The following ALK variants were observed in gnomAD, a reference collection of about 807,000 sequenced individuals.
ALK encodes the protein ALK receptor tyrosine kinase.
ALK carries 74 observed loss-of-function variants against 163.1 expected under a neutral mutation model. The observed-to-expected ratio is 0.45, with a 90% confidence interval of 0.38 to 0.55. ALK has a LOEUF of 0.55. Ranked by LOEUF, ALK falls within the 20% of genes least tolerant of loss-of-function variation. The pLI, the probability that ALK is intolerant of heterozygous loss-of-function variation, is 0.00. For synonymous variants in ALK, 960 were observed against 843.2 expected (o/e 1.14, Z -2.40); for missense variants, 2,063 against 2,105.3 (o/e 0.98, Z 0.39).
rs372359217 is a variant in ALK, at chr2:29,891,828, C to G, written c.667+28165G>C. Reference sequence around the variant, plus strand: ...AGGTGGAAGCTTAGATGCAGCAGGACTGCAAGGAAGGGCACAGTCTTCCTG... The same window carrying G: ...AGGTGGAAGCTTAGATGCAGCAGGAGTGCAAGGAAGGGCACAGTCTTCCTG... On this transcript the variant is annotated intron_variant, in intron 1 of 28. Transcript: ENST00000389048. Among the ~76,000 whole-genome samples the G allele has an allele frequency of 1.2e-4, 19 of 152,266 alleles. 1 individual carries two copies. The highest frequency in any genetic ancestry group is 4.6e-4 in the African/African-American group (19 of 41,556).
intron 4 of ALK, among the ~76,000 whole-genome samples, chr2:29,438,155 C>A (rs772459524): frequency 2.7e-5 from 4 of 148,348 alleles, no homozygotes; most frequent in South Asian, 2.1e-4. Context: ...ATACCTTAGA[C>A]TGACATTATT....
chr2:29,461,593 T>C (rs2148102864), intron 4 of ALK, among the ~76,000 whole-genome samples: 1 of 152,260 alleles, frequency 6.6e-6, no homozygotes, highest in Non-Finnish European at 1.5e-5. Context: ...CAATACATGG[T>C]TTACTAAATA....
chr2:29,683,922 C>T (rs985942757), intron 3 of ALK, among the ~76,000 whole-genome samples: 2 of 152,126 alleles, frequency 1.3e-5, no homozygotes, highest in African/African-American at 4.8e-5. Context: ...ATTTTTATAA[C>T]AAGTCAGGAA....
intron 5 of ALK, among the ~76,000 whole-genome samples, chr2:29,331,087 G>A (rs566923538): frequency 4.6e-5 from 7 of 152,160 alleles, no homozygotes; most frequent in Non-Finnish European, 1.0e-4. Flanking sequence ...GCCCAGAGTA[G>A]ATTTAGATCC....
intron 1 of ALK, among the ~76,000 whole-genome samples, chr2:29,728,991 C>T (rs1038036599): frequency 1.3e-5 from 2 of 152,174 alleles, no homozygotes; most frequent in African/African-American, 2.4e-5. Context: ...AAACTGCTAC[C>T]TAAAATGGCT....
intron 4 of ALK, among the ~76,000 whole-genome samples, chr2:29,517,664 G>A (rs1027326704): frequency 2.6e-5 from 4 of 152,162 alleles, no homozygotes; most frequent in African/African-American, 9.7e-5. Context: ...TGACTCTCCT[G>A]ATGATAAAAG....
intron 5 of ALK, among the ~76,000 whole-genome samples, chr2:29,347,086 T>C (rs1167932218): frequency 6.6e-6 from 1 of 152,214 alleles, no homozygotes; most frequent in East Asian, 1.9e-4. Flanking sequence ...GTACATGATT[T>C]CAGTTAATAC....
chr2:29,708,296 T>A (rs1283996878), intron 2 of ALK, among the ~76,000 whole-genome samples: 5 of 152,150 alleles, frequency 3.3e-5, no homozygotes, highest in Non-Finnish European at 7.4e-5. Flanking sequence ...CTGGAACTCC[T>A]GATCTCAGGT....
intron 5 of ALK, among the ~76,000 whole-genome samples, chr2:29,362,775 C>T (rs866644397): frequency 6.6e-6 from 1 of 152,232 alleles, no homozygotes; most frequent in African/African-American, 2.4e-5. Context: ...TAATTGCCTT[C>T]ATATTTATAT....
At chr2:29,467,691 C>G (rs1671245974) in intron 4 of ALK, among the ~76,000 whole-genome samples, 1 of 152,192 alleles carries the variant, frequency 6.6e-6, no homozygotes, top group Non-Finnish European at 1.5e-5. Flanking sequence ...GATTAAAGCT[C>G]TTCTCATAAT....
At chr2:29,529,150 G>A (rs1031755524) in intron 4 of ALK, among the ~76,000 whole-genome samples, 1 of 152,148 alleles carries the variant, frequency 6.6e-6, no homozygotes, top group Admixed American at 6.5e-5. Flanking sequence ...GTGCACGACA[G>A]CCGGCACCAC....
At chr2:29,665,745 G>A (rs1209210848) in intron 3 of ALK, among the ~76,000 whole-genome samples, 2 of 152,080 alleles carry the variant, frequency 1.3e-5, no homozygotes, top group African/African-American at 4.8e-5. Context: ...GATATTGTTT[G>A]CTTCAACAGG....
At chr2:29,634,573 C>T (rs1289899247) in intron 3 of ALK, among the ~76,000 whole-genome samples, 3 of 152,110 alleles carry the variant, frequency 2.0e-5, no homozygotes, top group East Asian at 3.9e-4. Context: ...ATAAATTCAA[C>T]ACTCATTCAT....
At chr2:29,198,605 T>G (rs188819022) in intron 26 of ALK, among the ~76,000 whole-genome samples, 228 of 152,364 alleles carry the variant, frequency 1.5e-3, no homozygotes, top group Admixed American at 3.5e-3. Flanking sequence ...TGGTGCATAT[T>G]ATTTGGTTTC....
chr2:29,478,173 C>A (rs1671573355), intron 4 of ALK, among the ~76,000 whole-genome samples: 1 of 152,204 alleles, frequency 6.6e-6, no homozygotes, highest in Non-Finnish European at 1.5e-5. Context: ...CACATATGAA[C>A]AGGAATACAA....
chr2:29,521,111 A>G (rs929711032), intron 4 of ALK, among the ~76,000 whole-genome samples: 1 of 152,214 alleles, frequency 6.6e-6, no homozygotes, highest in Non-Finnish European at 1.5e-5. Flanking sequence ...AGTGGGGCTA[A>G]GAAAAAAGCA....
intron 1 of ALK, among the ~76,000 whole-genome samples, chr2:29,856,571 A>G (rs567396636): frequency 1.6e-4 from 25 of 152,318 alleles, no homozygotes; most frequent in Non-Finnish European, 2.8e-4. Flanking sequence ...TAGATATTGG[A>G]ACCCAGGTCT....
chr2:29,508,345 A>G (rs1672398177), intron 4 of ALK, among the ~76,000 whole-genome samples: 2 of 152,178 alleles, frequency 1.3e-5, no homozygotes, highest in South Asian at 4.1e-4. Flanking sequence ...GCACATATAC[A>G]CCATGGAATA....
rs2148166755 is a variant in ALK at position 29,220,840 on chromosome 2, A to G, written c.3516-5T>C. 1 of 1,614,060 alleles carries G rather than the reference A, an allele frequency of 6.2e-7. No individual in the cohort carries two copies. The highest frequency in any genetic ancestry group is 8.5e-7 in the Non-Finnish European group (1 of 1,179,900). On this transcript the variant is annotated splice_region_variant and splice_polypyrimidine_tract_variant and intron_variant, in intron 22 of 28. Coordinates refer to ENST00000389048, the MANE Select transcript of ALK (RefSeq NM_004304.5). ...ATGTTCTGGTGGTTGAATTTGCTGC[A>G]GAGCAGAGAGGGATGTAACCAAAAT...
Sources: gnomAD v4.1 joint callset for allele counts (sites outside exome capture counted in the v4.1 genomes callset) on GRCh38, gnomAD v4.1.1 for gene constraint, MANE v1.5 for transcripts, NCBI Gene and HGNC (gene_info 2026-07-23, HGNC 2026-07-21) for gene names.